COL21A1: variants seen among roughly 807,000 people sequenced by gnomAD.
COL21A1 encodes collagen alpha-1(XXI) chain.
Under a neutral mutation model 137.9 loss-of-function variants are expected in COL21A1, and 149 were observed. The observed-to-expected ratio is 1.08, with a 90% confidence interval of 0.95 to 1.24. The LOEUF (loss-of-function observed/expected upper bound fraction) is 1.24. Ranked by LOEUF, COL21A1 falls within the 50% of genes most tolerant of loss-of-function variation. COL21A1 has a pLI of 0.00. For missense variants in COL21A1, 1,167 were observed against 1,158.4 expected (o/e 1.01, Z -0.11); for synonymous variants, 456 against 391.5 (o/e 1.16, Z -1.95).
At chr6:56,135,597 G>A (rs549726990) in intron 12 of COL21A1, among the ~76,000 whole-genome samples, 56 of 152,102 alleles carry the variant, frequency 3.7e-4, no homozygotes, top group Admixed American at 7.9e-4. Flanking sequence ...TTTCACTTCC[G>A]AGGACTTTTC....
In COL21A1 at chr6:56,320,547, ACC is replaced by A. The variant is rs967861623; in HGVS notation, c.-39+73422_-39+73423del. Reference sequence around the variant, plus strand: ...CACACACACACACACACACACACACACCCCTCCCACTCTCCTTTTCTTCTCTC... The same window carrying A: ...CACACACACACACACACACACACACACCTCCCACTCTCCTTTTCTTCTCTC... On this transcript the variant is annotated intron_variant, in intron 1 of 28. Coordinates refer to the COL21A1 transcript ENST00000370819. Among the ~76,000 whole-genome samples the A allele has an allele frequency of 2.4e-3, 285 of 120,422 alleles. 1 individual carries two copies. Among genetic ancestry groups the A allele is most frequent in the African/African-American group, 8.5e-3 (275 of 32,532 alleles). 79.0% of individuals were successfully genotyped at this position (120,422 alleles called of 152,430 possible).
At chr6:56,357,952 A>C (rs1210176372) in intron 1 of COL21A1, among the ~76,000 whole-genome samples, 2 of 152,176 alleles carry the variant, frequency 1.3e-5, no homozygotes, top group Non-Finnish European at 2.9e-5. Flanking sequence ...GAATGCAAAA[A>C]ACGTTTAGAA....
intron 17 of COL21A1, among the ~76,000 whole-genome samples, chr6:56,097,581 G>A (rs112474263): frequency 2.0e-5 from 3 of 150,682 alleles, no homozygotes; most frequent in African/African-American, 7.3e-5. Flanking sequence ...ACACTCCCTG[G>A]AATGGTAAAT....
At chr6:56,364,793 T>G (rs1343981265) in intron 1 of COL21A1, among the ~76,000 whole-genome samples, 1 of 151,944 alleles carries the variant, frequency 6.6e-6, no homozygotes, top group Non-Finnish European at 1.5e-5. Flanking sequence ...ATTCAGAAAT[T>G]TAAGCAGTCT....
intron 1 of COL21A1, among the ~76,000 whole-genome samples, chr6:56,379,063 C>T (rs187908129): frequency 2.4e-3 from 366 of 152,334 alleles, no homozygotes; most frequent in Non-Finnish European, 4.0e-3. Flanking sequence ...TAGATCACAA[C>T]GCCTGAGTCT....
chr6:56,287,595 G>T (rs558330513), intron 1 of COL21A1, among the ~76,000 whole-genome samples: 1 of 151,948 alleles, frequency 6.6e-6, no homozygotes, highest in African/African-American at 2.4e-5. Context: ...TACCATGATT[G>T]TAAGTTTCCT....
chr6:56,299,815 C>T (rs547021567), intron 1 of COL21A1, among the ~76,000 whole-genome samples: 30 of 152,160 alleles, frequency 2.0e-4, no homozygotes, highest in African/African-American at 6.3e-4. Context: ...CTTACCTCAA[C>T]ATTATTTAAT....
Position 56,124,030 on chromosome 6 carries a change from T to A in COL21A1, c.1758+32A>T, listed in dbSNP as rs541590393. 2.1e-6 allele frequency: 3 copies of A among 1,460,720 alleles called. No homozygotes were observed. The South Asian group carries it at 4.1e-5, about 20-fold the overall frequency. 90.5% of individuals were successfully genotyped at this position (1,460,720 alleles called of 1,614,324 possible). The stretch of plus-strand genomic sequence containing the variant: ...TCCTCTCAAGATACAAAAATCTTTT[T>A]GTTTTGTCCTTTTTTTTTTTTTTAT... On this transcript the variant is annotated intron_variant, in intron 16 of 29. Transcript: ENST00000244728.
intron 1 of COL21A1, among the ~76,000 whole-genome samples, chr6:56,212,896 C>T (rs1780260644): frequency 6.6e-6 from 1 of 151,856 alleles, no homozygotes; most frequent in Non-Finnish European, 1.5e-5. Flanking sequence ...TAATAGGTAC[C>T]TATGCTGCAA....
At chr6:56,094,391 C>T (rs141206208) in intron 17 of COL21A1, among the ~76,000 whole-genome samples, 1 of 152,124 alleles carries the variant, frequency 6.6e-6, no homozygotes, top group Non-Finnish European at 1.5e-5. Flanking sequence ...GTTGATGATG[C>T]TATACATATT....
intron 1 of COL21A1, among the ~76,000 whole-genome samples, chr6:56,217,434 C>G (rs1007996598): frequency 2.0e-5 from 3 of 151,994 alleles, no homozygotes; most frequent in Non-Finnish European, 2.9e-5. Context: ...GAAGACTGCA[C>G]ATTAAATACA....
chr6:56,231,981 C>T (rs1372016394), intron 1 of COL21A1, among the ~76,000 whole-genome samples: 10 of 151,784 alleles, frequency 6.6e-5, no homozygotes, highest in Non-Finnish European at 1.3e-4. Flanking sequence ...TATGAGATTT[C>T]TTAAACTATT....
intron 1 of COL21A1, among the ~76,000 whole-genome samples, chr6:56,196,250 C>T (rs954073176): frequency 2.6e-4 from 39 of 152,016 alleles, no homozygotes; most frequent in African/African-American, 8.7e-4. Context: ...TATGACAAAT[C>T]CACAGCTAAC....
At chr6:56,381,083 T>G (rs1448882487) in intron 1 of COL21A1, among the ~76,000 whole-genome samples, 1 of 152,136 alleles carries the variant, frequency 6.6e-6, no homozygotes, top group African/African-American at 2.4e-5. Context: ...TCAGTGACTT[T>G]ATAGAACATA....
chr6:56,241,711 C>A (rs1782337710), intron 1 of COL21A1, among the ~76,000 whole-genome samples: 2 of 152,172 alleles, frequency 1.3e-5, no homozygotes, highest in Middle Eastern at 3.2e-3. Flanking sequence ...TTACTTCAAA[C>A]CACATTGAAC....
At chr6:56,206,758 A>C (rs764796897) in intron 1 of COL21A1, among the ~76,000 whole-genome samples, 11 of 147,590 alleles carry the variant, frequency 7.5e-5, no homozygotes, top group Non-Finnish European at 1.6e-4. Flanking sequence ...ACCACATCAC[A>C]CTTATTCTAG....
chr6:56,168,710 C>G (rs1582541838), intron 5 of COL21A1, among the ~76,000 whole-genome samples: 1 of 152,086 alleles, frequency 6.6e-6, no homozygotes. Flanking sequence ...ATTTTCATTT[C>G]TTCCTCCCTA....
intron 1 of COL21A1, among the ~76,000 whole-genome samples, chr6:56,239,444 C>T (rs907236159): frequency 7.9e-5 from 12 of 152,130 alleles, no homozygotes; most frequent in Middle Eastern, 6.8e-3. Context: ...AAACGTCTAC[C>T]ATCTCACAAC....
At position 56,112,723 on chromosome 6, in the gene COL21A1, T is replaced by C. The variant is rs1196794784; in HGVS notation, c.1759-11198A>G. Among the ~76,000 whole-genome samples the C allele has an allele frequency of 2.0e-5, 3 of 149,972 alleles. 1 individual carries two copies. Among genetic ancestry groups the C allele is most frequent in the South Asian group, 4.3e-4 (2 of 4,688 alleles). On this transcript the variant is annotated intron_variant, in intron 16 of 29. Transcript: ENST00000244728. Reference sequence around the variant, plus strand: ...TTTTGAGACGGAGTTTCGCTCTTGTTAGCCAGGCTGGAGTGCAATGGCGTG... The same window carrying C: ...TTTTGAGACGGAGTTTCGCTCTTGTCAGCCAGGCTGGAGTGCAATGGCGTG...
Sources: gnomAD v4.1 joint callset for allele counts (sites outside exome capture counted in the v4.1 genomes callset) on GRCh38, gnomAD v4.1.1 for gene constraint, MANE v1.5 for transcripts, NCBI Gene and HGNC (gene_info 2026-07-23, HGNC 2026-07-21) for gene names.